Variants in TMEM132B observed in about 807,000 individuals in gnomAD.
TMEM132B encodes the protein transmembrane protein 132B.
TMEM132B carries 18 observed loss-of-function variants against 90.8 expected under a neutral mutation model. The observed-to-expected ratio is 0.20, with a 90% CI of 0.14 to 0.29. The LOEUF is 0.29. TMEM132B is among the 10% of genes least tolerant of loss of function. TMEM132B has a pLI of 1.00. For synonymous variants in TMEM132B, 504 were observed against 523.3 expected (o/e 0.96, Z 0.50); for missense variants, 1,096 against 1,326.8 (o/e 0.83, Z 2.70).
intron 2 of TMEM132B, among the ~76,000 whole-genome samples, chr12:125,382,575 T>C (rs1484296911): frequency 6.6e-6 from 1 of 152,150 alleles, no homozygotes. Flanking sequence ...GACAGAACCA[T>C]TAGACAAACT....
intron 6 of TMEM132B, among the ~76,000 whole-genome samples, chr12:125,644,871 A>G (rs1250999777): frequency 2.0e-5 from 3 of 152,172 alleles, no homozygotes; most frequent in Non-Finnish European, 1.5e-5. Flanking sequence ...TCTATCAATT[A>G]GGGATGATAA....
chr12:125,580,723 C>G (rs1038740504), intron 4 of TMEM132B, among the ~76,000 whole-genome samples: 2 of 152,090 alleles, frequency 1.3e-5, no homozygotes, highest in African/African-American at 4.8e-5. Context: ...TTGATCTTGA[C>G]AGGAGAAGGG....
At chr12:125,516,046 C>T (rs2694868) in intron 3 of TMEM132B, among the ~76,000 whole-genome samples, 49,024 of 151,772 alleles carry the variant, frequency 0.32, 12,015 homozygotes, top group East Asian at 0.74. Flanking sequence ...CCCACATTCA[C>T]GCATTCTCTC....
At chr12:125,487,402 C>T (rs1882231155) in intron 3 of TMEM132B, among the ~76,000 whole-genome samples, 2 of 152,156 alleles carry the variant, frequency 1.3e-5, no homozygotes, top group South Asian at 4.1e-4. Context: ...ACAAATAACC[C>T]TCTATCTCAG....
intron 1 of TMEM132B, among the ~76,000 whole-genome samples, chr12:125,192,545 A>G (rs1276672084): frequency 2.0e-5 from 3 of 152,172 alleles, no homozygotes; most frequent in Non-Finnish European, 4.4e-5. Flanking sequence ...TGGCTCAGTC[A>G]TAGCACACTG....
chr12:125,238,387 C>CA (rs1565981391), intron 1 of TMEM132B, among the ~76,000 whole-genome samples: 1 of 137,618 alleles, frequency 7.3e-6, no homozygotes, highest in African/African-American at 2.7e-5. Context: ...CAAAAAAAAA[C>CA]CAAAAAAACA....
chr12:125,544,874 A>G (rs1884049919), intron 4 of TMEM132B, among the ~76,000 whole-genome samples: 1 of 152,230 alleles, frequency 6.6e-6, no homozygotes, highest in Non-Finnish European at 1.5e-5. Flanking sequence ...GTGAAATAAT[A>G]TAGTAAGTGT....
intron 1 of TMEM132B, among the ~76,000 whole-genome samples, chr12:125,247,451 T>TGCCA (rs1874229223): frequency 6.6e-6 from 1 of 152,176 alleles, no homozygotes; most frequent in Non-Finnish European, 1.5e-5. Flanking sequence ...TTGATGCCCC[T>TGCCA]GCCAGGCCAC....
intron 3 of TMEM132B, among the ~76,000 whole-genome samples, chr12:125,511,584 C>G (rs1700966671): frequency 6.6e-6 from 1 of 152,026 alleles, no homozygotes; most frequent in South Asian, 2.1e-4. Flanking sequence ...GGCACGGTGG[C>G]TCACGCCTGT....
At chr12:125,638,646 C>G (rs1170035453) in intron 5 of TMEM132B, among the ~76,000 whole-genome samples, 2 of 151,836 alleles carry the variant, frequency 1.3e-5, no homozygotes, top group East Asian at 1.9e-4. Flanking sequence ...CTCGGGTTGG[C>G]AGAGGGGTCG....
At chr12:125,539,452 C>T (rs976041072) in intron 4 of TMEM132B, among the ~76,000 whole-genome samples, 9 of 152,176 alleles carry the variant, frequency 5.9e-5, no homozygotes, top group Admixed American at 1.3e-4. Context: ...CTCAGTGACC[C>T]GTTGTGACAC....
chr12:125,357,768 C>T (rs1877827535), intron 2 of TMEM132B, among the ~76,000 whole-genome samples: 1 of 152,172 alleles, frequency 6.6e-6, no homozygotes, highest in Non-Finnish European at 1.5e-5. Context: ...TTGTCTCCCT[C>T]CAGGACTTGA....
intron 1 of TMEM132B, among the ~76,000 whole-genome samples, chr12:125,250,508 C>T (rs765641705): frequency 5.3e-5 from 8 of 152,202 alleles, no homozygotes; most frequent in Non-Finnish European, 1.2e-4. Flanking sequence ...CTCACACTGC[C>T]CCCAGTCCAG....
intron 1 of TMEM132B, chr12:125,326,750 C>G (rs1436333480): frequency 2.1e-6 from 3 of 1,443,878 alleles, no homozygotes; most frequent in Non-Finnish European, 2.8e-6. Flanking sequence ...TTTCCTATGT[C>G]CTATTCAGAT....
chr12:125,575,056 T>TTATA (rs1566078420), intron 4 of TMEM132B, among the ~76,000 whole-genome samples: 2 of 11,052 alleles, frequency 1.8e-4, no homozygotes, highest in African/African-American at 5.1e-4. Flanking sequence ...CTATTAGCTG[T>TTATA]CATATATATA....
At chr12:125,483,489 G>A (rs1037435112) in intron 3 of TMEM132B, among the ~76,000 whole-genome samples, 1 of 151,850 alleles carries the variant, frequency 6.6e-6, no homozygotes, top group Admixed American at 6.6e-5. Flanking sequence ...ATTTGGTCTT[G>A]TTAATTGGTT....
intron 1 of TMEM132B, chr12:125,326,478 C>A: frequency 2.3e-6 from 2 of 887,970 alleles, no homozygotes; most frequent in Non-Finnish European, 3.6e-6. Flanking sequence ...AGCACATGAG[C>A]TCTGACATTC....
At chr12:125,566,281 G>A (rs893466382) in intron 4 of TMEM132B, among the ~76,000 whole-genome samples, 2 of 152,056 alleles carry the variant, frequency 1.3e-5, no homozygotes, top group African/African-American at 4.8e-5. Flanking sequence ...AGATATTGGG[G>A]GTATAGTCCC....
At chr12:125,632,700 C>T (rs1886394528) in intron 5 of TMEM132B, among the ~76,000 whole-genome samples, 1 of 151,994 alleles carries the variant, frequency 6.6e-6, no homozygotes, top group Admixed American at 6.6e-5. Context: ...TCCTTCAGCA[C>T]TTTAAATATG....
Sources: gnomAD v4.1 joint callset for allele counts (sites outside exome capture counted in the v4.1 genomes callset) on GRCh38, gnomAD v4.1.1 for gene constraint, MANE v1.5 for transcripts, NCBI Gene and HGNC (gene_info 2026-07-23, HGNC 2026-07-21) for gene names.